Variants in GANC observed in about 807,000 individuals in gnomAD.
GANC encodes the protein glucosidase alpha, neutral C.
A neutral mutation model predicts 124.2 loss-of-function variants in GANC; 117 were observed. That is an observed-to-expected ratio of 0.94 (90% CI 0.81 to 1.10). The LOEUF (loss-of-function observed/expected upper bound fraction) is 1.10, where lower values mean the gene tolerates loss of function less well. GANC is among the 50% of genes least tolerant of loss of function. The pLI is 0.00. For synonymous variants in GANC, 377 were observed against 376.8 expected, an observed-to-expected ratio of 1.00 and a Z score of -0.01; for missense variants, 1,140 against 1,095.0, an observed-to-expected ratio of 1.04 and a Z score of -0.58.
intron 3 of GANC, among the ~76,000 whole-genome samples, chr15:42,285,252 C>T (rs922279633): frequency 2.0e-5 from 3 of 152,208 alleles, no homozygotes; most frequent in Non-Finnish European, 2.9e-5. Flanking sequence ...CTGTCATCCA[C>T]AGAGCCCTAA....
intron 10 of GANC, among the ~76,000 whole-genome samples, chr15:42,313,186 A>G (rs1015280812): frequency 6.2e-4 from 95 of 152,196 alleles, no homozygotes; most frequent in Non-Finnish European, 1.5e-4. Flanking sequence ...TCTACTTGCA[A>G]AAGAATGAAG....
At chr15:42,321,158 A>G (rs1659224) in intron 10 of GANC, among the ~76,000 whole-genome samples, 138,464 of 152,224 alleles carry the variant, frequency 0.91, 64,342 homozygotes, top group Non-Finnish European at 1. Context: ...GTGAGTCCCA[A>G]TGCTGCACCC....
intron 15 of GANC, among the ~76,000 whole-genome samples, chr15:42,337,668 C>T (rs772804470): frequency 6.6e-5 from 10 of 152,216 alleles, no homozygotes; most frequent in Non-Finnish European, 1.5e-4. Flanking sequence ...ACTCCTGTGA[C>T]ACACGAGTTT....
At chr15:42,312,775 C>T (rs2052064464) in intron 10 of GANC, among the ~76,000 whole-genome samples, 1 of 151,978 alleles carries the variant, frequency 6.6e-6, no homozygotes, top group Non-Finnish European at 1.5e-5. Flanking sequence ...CCTGTCTCTA[C>T]TAAAAATACA....
At chr15:42,340,045 A>G (rs2052317828) in intron 17 of GANC, 133 bp downstream of exon 17, 1 of 1,255,842 alleles carries the variant, frequency 8.0e-7, no homozygotes, top group Admixed American at 2.4e-5. Context: ...ATCAAGTTTC[A>G]ATAAGCTTAT....
chr15:42,273,350 G>T lies in GANC; in HGVS notation c.-1132G>T, dbSNP rs1436978304. 6.2e-7 allele frequency: 1 copy of T among 1,614,146 alleles called. No individual in the cohort carries two copies. The highest frequency in any genetic ancestry group is 1.6e-4 in the Middle Eastern group (1 of 6,062). On this transcript the variant is annotated 5_prime_UTR_variant, in exon 1 of 24. Coordinates refer to ENST00000318010, the MANE Select transcript of GANC (RefSeq NM_198141.3). The stretch of plus-strand genomic sequence containing the variant: ...GACAGTGGTGACGGGTGAGCTCCCA[G>T]AAGCAGAAGAATGACAGGCAACACC...
chr15:42,286,076 A>G (rs2051784847), intron 3 of GANC, among the ~76,000 whole-genome samples: 1 of 152,136 alleles, frequency 6.6e-6, no homozygotes, highest in African/African-American at 2.4e-5. Flanking sequence ...GAATAACTAA[A>G]TGTAAATTGT....
Position 42,287,711 on chromosome 15 carries a change from T to G in GANC, c.222T>G (p.Ile74Met), listed in dbSNP as rs959911512. 3 of 1,611,644 alleles carry G rather than the reference T, an allele frequency of 1.9e-6. No homozygotes were observed. The highest frequency in any genetic ancestry group is 4.5e-5 in the East Asian group (2 of 44,850). The change falls in exon 4 of 24, where the codon ATT becomes ATG. Residue 74 changes from isoleucine to methionine, a missense_variant. Transcript: ENST00000318010. ...TCCAGGTTCCTCTCCTGGCTGAAAT[T>G]TATGGTATAGAAGGAAACATTTTCA... The part of the protein sequence containing the change: ...EASKVPLLAE[I>M]YGIEGNIFRL...
chr15:42,314,570 C>T, intron 10 of GANC: 1 of 208,132 alleles, frequency 4.8e-6, no homozygotes, highest in South Asian at 7.9e-5. Context: ...TCACACTGAC[C>T]TATACTTATA....
At chr15:42,348,299 G>A in intron 21 of GANC, 83 bp downstream of exon 21, 1 of 770,118 alleles carries the variant, frequency 1.3e-6, no homozygotes, top group South Asian at 1.7e-5. Context: ...CTACGTAAAA[G>A]TGGTGAGCTC....
intron 18 of GANC, among the ~76,000 whole-genome samples, chr15:42,342,138 C>T (rs1358418390): frequency 6.6e-6 from 1 of 152,108 alleles, no homozygotes; most frequent in Non-Finnish European, 1.5e-5. Flanking sequence ...TCTTATTGGC[C>T]ACTATATCCC....
intron 7 of GANC, among the ~76,000 whole-genome samples, 165 bp downstream of exon 7, chr15:42,306,777 G>A (rs111742951): frequency 0.011 from 1,630 of 152,288 alleles, 26 homozygotes; most frequent in African/African-American, 0.037. Flanking sequence ...TTGCATCAGA[G>A]AAATAGCAAT....
In GANC at chr15:42,274,085, T is replaced by C; in HGVS notation, c.-397T>C. The C allele has an allele frequency of 4.0e-6, 1 of 247,304 alleles. No individual in the cohort carries two copies. The highest frequency in any genetic ancestry group is 7.9e-6 in the Non-Finnish European group (1 of 126,390). The allele number at this position is 247,304 out of a possible 1,614,324, so 15.3% of individuals were successfully genotyped here. ...CTGTGGCGTGACCCCGCCACTGAGA[T>C]AGATCTGCAGATGCTTCGTCCCAGT... On this transcript the variant is annotated 5_prime_UTR_variant, in exon 1 of 24. Coordinates refer to ENST00000318010, the MANE Select transcript of GANC (RefSeq NM_198141.3).
At chr15:42,282,674 C>G (rs1268725080) in intron 3 of GANC, among the ~76,000 whole-genome samples, 1 of 152,198 alleles carries the variant, frequency 6.6e-6, no homozygotes, top group East Asian at 1.9e-4. Context: ...GAATTTCTCC[C>G]TCTCAATTCC....
rs1490921570 is a variant in GANC, at chr15:42,352,918, G to C, written c.*779G>C. The C allele has an allele frequency of 2.1e-6, 1 of 466,720 alleles. No homozygotes were observed. Among genetic ancestry groups the C allele is most frequent in the Non-Finnish European group, 2.8e-6 (1 of 355,928 alleles). The allele number at this position is 466,720 out of a possible 1,614,324, so 28.9% of individuals were successfully genotyped here. ...ATGACTGGGACTAGGATGAGGCAAGGGAGACCCTGGCCTTGGGCACAAAAT... is the reference window on the plus strand; with the variant it reads ...ATGACTGGGACTAGGATGAGGCAAGCGAGACCCTGGCCTTGGGCACAAAAT... On this transcript the variant is annotated 3_prime_UTR_variant, in exon 24 of 24. Transcript: ENST00000318010.
chr15:42,307,174 A>G (rs2052005448), intron 7 of GANC, among the ~76,000 whole-genome samples: 1 of 151,956 alleles, frequency 6.6e-6, no homozygotes, highest in South Asian at 2.1e-4. Context: ...CCTCCTCCCT[A>G]TTCTGTAGAA....
At chr15:42,313,805 C>T (rs868371722) in intron 10 of GANC, 17 of 483,820 alleles carry the variant, frequency 3.5e-5, no homozygotes, top group South Asian at 2.7e-4. Context: ...CAGTGGCTCA[C>T]GCCTGTAATC....
At position 42,352,160 on chromosome 15, in the gene GANC, T is replaced by C. The variant is rs1362487255; in HGVS notation, c.*21T>C. On this transcript the variant is annotated 3_prime_UTR_variant, in exon 24 of 24. Coordinates refer to ENST00000318010, the MANE Select transcript of GANC (RefSeq NM_198141.3). ...TATGACAAAGAACTGCCCCTGGTGA[T>C]GTGAGCAGGGACCTGCCTGCCCCTT... is the stretch of plus-strand genomic sequence containing the variant. 3 of 1,613,982 alleles carry C rather than the reference T, an allele frequency of 1.9e-6. No homozygotes were observed. The African/African-American group carries it at 4.0e-5, about 22-fold the overall frequency.
chr15:42,344,335 C>G (rs757613164), intron 19 of GANC, among the ~76,000 whole-genome samples: 1 of 152,116 alleles, frequency 6.6e-6, no homozygotes, highest in Non-Finnish European at 1.5e-5. Flanking sequence ...TGCCAGCAAC[C>G]CTGGGCTTCC....
Sources: allele counts gnomAD v4.1 joint callset (sites outside exome capture counted in the v4.1 genomes callset), GRCh38; gene constraint gnomAD v4.1.1; transcripts MANE v1.5; gene names NCBI Gene and HGNC (gene_info 2026-07-23, HGNC 2026-07-21).